The following ERBB4 variants were observed in gnomAD, a reference collection of about 807,000 sequenced individuals.
ERBB4 encodes erb-b2 receptor tyrosine kinase 4, also known as receptor tyrosine-protein kinase erbB-4.
Under a neutral mutation model 158.0 loss-of-function variants are expected in ERBB4, and 42 were observed. The observed-to-expected ratio is 0.27, with a 90% CI of 0.21 to 0.34. The LOEUF (loss-of-function observed/expected upper bound fraction) is 0.34. Among genes scored for constraint, ERBB4 ranks in the 10% least tolerant of loss-of-function variants. The pLI is 1.00. For missense variants in ERBB4, 1,333 were observed against 1,624.1 expected (o/e 0.82, Z 3.08); for synonymous variants, 583 against 558.7 (o/e 1.04, Z -0.61).
intron 3 of ERBB4, among the ~76,000 whole-genome samples, chr2:211,852,621 T>C (rs548035530): frequency 7.0e-6 from 1 of 143,214 alleles, no homozygotes; most frequent in South Asian, 2.2e-4. Flanking sequence ...TTACTGTACA[T>C]GGTACAATGG....
intron 1 of ERBB4, among the ~76,000 whole-genome samples, chr2:212,333,934 T>C (rs1468342541): frequency 6.6e-6 from 1 of 152,064 alleles, no homozygotes; most frequent in Admixed American, 6.6e-5. Flanking sequence ...ACTCAGATAG[T>C]GTCACTGCTA....
chr2:212,087,676 G>T (rs190863001), intron 2 of ERBB4, among the ~76,000 whole-genome samples: 1 of 152,142 alleles, frequency 6.6e-6, no homozygotes, highest in Admixed American at 6.6e-5. Flanking sequence ...CTCAGTCTTA[G>T]ATCCGTCTAG....
At chr2:212,411,673 G>A (rs559514530) in intron 1 of ERBB4, among the ~76,000 whole-genome samples, 1 of 152,138 alleles carries the variant, frequency 6.6e-6, no homozygotes, top group African/African-American at 2.4e-5. Context: ...TGTTTAAAGT[G>A]ATTCTTCTCC....
intron 2 of ERBB4, among the ~76,000 whole-genome samples, chr2:212,080,597 AT>A (rs113523392): frequency 0.13 from 19,593 of 150,806 alleles, 1,603 homozygotes; most frequent in African/African-American, 0.23. Context: ...AATTGGAGAT[AT>A]ATTGGCAACC....
intron 16 of ERBB4, among the ~76,000 whole-genome samples, chr2:211,636,136 A>G (rs1421869937): frequency 6.6e-6 from 1 of 152,040 alleles, no homozygotes; most frequent in Admixed American, 6.6e-5. Context: ...GTATATAAGA[A>G]GGAAAAACAA....
intron 20 of ERBB4, among the ~76,000 whole-genome samples, chr2:211,550,868 C>T (rs1339378467): frequency 6.6e-6 from 1 of 151,216 alleles, no homozygotes; most frequent in Non-Finnish European, 1.5e-5. Context: ...ATTCAATTCT[C>T]AAATCTCTAA....
Position 212,096,185 on chromosome 2 carries a change from T to C in ERBB4, c.234+28567A>G, listed in dbSNP as rs563983839. Among the ~76,000 whole-genome samples, 3 of 152,010 alleles carry C rather than the reference T, an allele frequency of 2.0e-5. No homozygotes were observed. In the East Asian group the frequency reaches 5.8e-4, roughly 30 times the overall value. On this transcript the variant is annotated intron_variant, in intron 2 of 27. Transcript: ENST00000342788. Reference sequence around the variant, plus strand: ...AGAAAAGCTCAGGTTTGGACATGAATTGAAGAAAAAGGGTTTAAGAGGTCA... The same window carrying C: ...AGAAAAGCTCAGGTTTGGACATGAACTGAAGAAAAAGGGTTTAAGAGGTCA...
At chr2:211,439,907 C>T (rs912823390) in intron 20 of ERBB4, among the ~76,000 whole-genome samples, 10 of 152,040 alleles carry the variant, frequency 6.6e-5, no homozygotes, top group East Asian at 1.9e-4. Flanking sequence ...TTCCTGAGGC[C>T]GACAGAGATA....
chr2:212,013,054 T>G (rs572974728), intron 2 of ERBB4, among the ~76,000 whole-genome samples: 59 of 149,390 alleles, frequency 3.9e-4, no homozygotes, highest in African/African-American at 1.4e-3. Context: ...CAAGAAATAC[T>G]TTCCTTTTTT....
chr2:212,123,219 C>T (rs1489174869), intron 2 of ERBB4, among the ~76,000 whole-genome samples: 1 of 152,082 alleles, frequency 6.6e-6, no homozygotes, highest in Non-Finnish European at 1.5e-5. Context: ...CTGGCTAACA[C>T]AGTGAAACTC....
chr2:211,919,356 A>T (rs1346067432), intron 3 of ERBB4, among the ~76,000 whole-genome samples: 2 of 152,110 alleles, frequency 1.3e-5, no homozygotes, highest in Non-Finnish European at 2.9e-5. Context: ...TATACACTTT[A>T]TACAAAATTA....
intron 3 of ERBB4, among the ~76,000 whole-genome samples, chr2:211,791,207 T>G (rs1218486184): frequency 6.6e-6 from 1 of 151,888 alleles, no homozygotes; most frequent in African/African-American, 2.4e-5. Context: ...CTTGACCGCA[T>G]TTTTTAGATA....
At chr2:212,347,707 T>C (rs1459923375) in intron 1 of ERBB4, among the ~76,000 whole-genome samples, 1 of 152,156 alleles carries the variant, frequency 6.6e-6, no homozygotes, top group East Asian at 1.9e-4. Flanking sequence ...GAGTGTCATA[T>C]TGGTGCTCAA....
intron 3 of ERBB4, among the ~76,000 whole-genome samples, chr2:211,819,892 T>A (rs76561692): frequency 1.3e-5 from 2 of 151,888 alleles, no homozygotes; most frequent in Admixed American, 6.6e-5. Flanking sequence ...AGTTTTTAGA[T>A]GTGGGTGATA....
intron 4 of ERBB4, among the ~76,000 whole-genome samples, chr2:211,757,092 A>T (rs1336468152): frequency 6.6e-6 from 1 of 152,210 alleles, no homozygotes; most frequent in Non-Finnish European, 1.5e-5. Context: ...CATGATGTGG[A>T]ATTGCTCTTC....
intron 20 of ERBB4, among the ~76,000 whole-genome samples, chr2:211,481,128 A>C (rs932946515): frequency 1.3e-5 from 2 of 152,194 alleles, no homozygotes; most frequent in Non-Finnish European, 2.9e-5. Flanking sequence ...TATCCCATTA[A>C]GAGGTCATAG....
rs147303707 is a variant in ERBB4 at position 211,700,053 on chromosome 2, A to C, written c.1489+1914T>G. 1.2e-4 allele frequency among the ~76,000 whole-genome samples: 18 copies of C among 152,174 alleles called. No individual in the cohort carries two copies. The East Asian group carries it at 3.3e-3, about 28-fold the overall frequency. On this transcript the variant is annotated intron_variant, in intron 12 of 27. Transcript: ENST00000342788. Reference sequence around the variant, plus strand: ...AATTTTTTTTCTGATTCTTTTATATATTTCTTTACATTATTTTGAATTCAC... The same window carrying C: ...AATTTTTTTTCTGATTCTTTTATATCTTTCTTTACATTATTTTGAATTCAC...
chr2:212,129,703 T>C (rs1202661620), intron 1 of ERBB4, among the ~76,000 whole-genome samples: 1 of 151,956 alleles, frequency 6.6e-6, no homozygotes, highest in Non-Finnish European at 1.5e-5. Context: ...AATGGAAAAT[T>C]TGAATAAGTA....
At chr2:211,789,893 G>A (rs2106322308) in intron 3 of ERBB4, among the ~76,000 whole-genome samples, 1 of 152,054 alleles carries the variant, frequency 6.6e-6, no homozygotes, top group South Asian at 2.1e-4. Flanking sequence ...AAACCCTCCA[G>A]ATTAGTTTTG....
Sources: allele counts gnomAD v4.1 joint callset (sites outside exome capture counted in the v4.1 genomes callset), GRCh38; gene constraint gnomAD v4.1.1; transcripts MANE v1.5; gene names NCBI Gene and HGNC (gene_info 2026-07-23, HGNC 2026-07-21).